UBE2D2: variants seen among roughly 807,000 people sequenced by gnomAD.
The protein encoded by UBE2D2 is ubiquitin-conjugating enzyme E2 D2.
A neutral mutation model predicts 24.2 loss-of-function variants in UBE2D2; 2 were observed. The ratio of observed to expected loss-of-function variants is 0.08; its 90% CI spans 0.03 to 0.26. The LOEUF (loss-of-function observed/expected upper bound fraction) is 0.26. Among genes scored for constraint, UBE2D2 ranks in the 10% least tolerant of loss-of-function variants. The pLI is 1.00. For missense variants in UBE2D2, 44 were observed against 177.6 expected (o/e 0.25, Z 4.28); for synonymous variants, 58 against 56.5 (o/e 1.03, Z -0.12).
In UBE2D2 at chr5:139,590,761, T is replaced by TG. The variant is rs368163124; in HGVS notation, c.25-9609dup. ...TGGGCCAAGCTGGGTTGTAAGTTCA[T>TG]GGTGGGTATTTTCTCTTCTTCTTTT... On this transcript the variant is annotated intron_variant, in intron 1 of 6. Transcript: ENST00000398733. Among the ~76,000 whole-genome samples the TG allele has an allele frequency of 7.3e-3, 1,074 of 147,296 alleles. 9 individuals carry two copies. The highest frequency in any genetic ancestry group is 0.036 in the Middle Eastern group (10 of 278).
chr5:139,622,276 G>T (rs1412676806), intron 5 of UBE2D2, among the ~76,000 whole-genome samples: 3 of 151,134 alleles, frequency 2.0e-5, no homozygotes, highest in African/African-American at 7.3e-5. Context: ...TGGATTTTTT[G>T]CTGTGTCGCC....
chr5:139,599,174 A>T (rs1754018812), intron 1 of UBE2D2, among the ~76,000 whole-genome samples: 1 of 151,412 alleles, frequency 6.6e-6, no homozygotes, highest in South Asian at 2.1e-4. Context: ...ACGTCAGGTG[A>T]TCCTCCCACC....
At chr5:139,587,334 C>T (rs1275499496) in intron 1 of UBE2D2, among the ~76,000 whole-genome samples, 1 of 152,048 alleles carries the variant, frequency 6.6e-6, no homozygotes, top group Non-Finnish European at 1.5e-5. Flanking sequence ...AGCGGCTCTG[C>T]GACAGCAGCA....
At chr5:139,610,260 C>T (rs1448784588) in intron 2 of UBE2D2, among the ~76,000 whole-genome samples, 5 of 152,012 alleles carry the variant, frequency 3.3e-5, no homozygotes, top group African/African-American at 1.2e-4. Flanking sequence ...TAAAAATTTA[C>T]GGCCGGGCAC....
chr5:139,590,202 G>A (rs1753813475), intron 1 of UBE2D2, among the ~76,000 whole-genome samples: 1 of 152,072 alleles, frequency 6.6e-6, no homozygotes, highest in Non-Finnish European at 1.5e-5. Context: ...TAGACATAGA[G>A]TAGCAGAATA....
upstream of UBE2D2, among the ~76,000 whole-genome samples, chr5:139,557,519 G>A (rs1752998970): frequency 1.3e-5 from 2 of 152,040 alleles, no homozygotes; most frequent in Admixed American, 6.6e-5. Context: ...AGGCCGAGGC[G>A]GGCAGATCAT....
intron 5 of UBE2D2, among the ~76,000 whole-genome samples, chr5:139,620,214 C>T (rs1407824721): frequency 6.6e-6 from 1 of 152,118 alleles, no homozygotes; most frequent in East Asian, 1.9e-4. Flanking sequence ...CAGATCCAAA[C>T]CATATCAGTA....
intron 5 of UBE2D2, 113 bp from the exon 6 acceptor site, chr5:139,623,255 T>C: frequency 2.0e-6 from 1 of 511,814 alleles, no homozygotes; most frequent in East Asian, 3.0e-5. Context: ...CTTACAAAGC[T>C]GCTAGGCATT....
chr5:139,574,346 T>C (rs1036652859), intron 1 of UBE2D2, among the ~76,000 whole-genome samples: 3 of 151,940 alleles, frequency 2.0e-5, no homozygotes, highest in African/African-American at 7.3e-5. Context: ...TAATACATAT[T>C]AGTAATTAGT....
intron 1 of UBE2D2, among the ~76,000 whole-genome samples, chr5:139,565,027 A>G (rs1753189085): frequency 1.3e-5 from 2 of 152,178 alleles, no homozygotes; most frequent in African/African-American, 4.8e-5. Context: ...ATGTGTCTGC[A>G]GTGGAATCCC....
chr5:139,614,478 C>A, intron 2 of UBE2D2, 108 bp from the exon 3 acceptor site: 2 of 1,282,768 alleles, frequency 1.6e-6, no homozygotes, highest in South Asian at 1.3e-5. Context: ...TACTCATTAT[C>A]ATATTATTTA....
intron 5 of UBE2D2, 117 bp from the exon 6 acceptor site, chr5:139,623,251 A>G (rs1658426728): frequency 6.2e-6 from 3 of 486,142 alleles, no homozygotes; most frequent in Non-Finnish European, 1.1e-5. Context: ...AAAACTTACA[A>G]AGCTGCTAGG....
chr5:139,588,780 T>C (rs1164013277), intron 1 of UBE2D2, among the ~76,000 whole-genome samples: 5 of 152,100 alleles, frequency 3.3e-5, no homozygotes, highest in Non-Finnish European at 7.3e-5. Flanking sequence ...GTAACTTCTT[T>C]TGTTTTTTGA....
intron 1 of UBE2D2, among the ~76,000 whole-genome samples, chr5:139,533,523 G>A (rs1314690234): frequency 5.3e-5 from 8 of 151,594 alleles, no homozygotes; most frequent in Non-Finnish European, 8.8e-5. Context: ...GGTGTCTGGC[G>A]CCGTTAATCC....
intron 1 of UBE2D2, among the ~76,000 whole-genome samples, chr5:139,563,801 G>T (rs1753160333): frequency 1.3e-5 from 2 of 152,102 alleles, no homozygotes. Flanking sequence ...CGGGCTTGGT[G>T]GCGGGTTCCT....
intron 1 of UBE2D2, among the ~76,000 whole-genome samples, chr5:139,580,401 G>T (rs758261726): frequency 5.3e-5 from 8 of 152,064 alleles, no homozygotes; most frequent in Non-Finnish European, 1.0e-4. Flanking sequence ...AGAGTGGATG[G>T]CTTGAGTCCA....
intron 1 of UBE2D2, among the ~76,000 whole-genome samples, chr5:139,587,785 A>G (rs1713745996): frequency 2.6e-5 from 4 of 151,950 alleles, no homozygotes; most frequent in Admixed American, 2.0e-4. Flanking sequence ...CAAAGAGGGT[A>G]GCCATTGCCA....
In UBE2D2 at chr5:139,597,211, A is replaced by G. The variant is rs114021915; in HGVS notation, c.25-3161A>G. Among the ~76,000 whole-genome samples the G allele has an allele frequency of 3.5e-3, 539 of 152,238 alleles. 7 individuals carry two copies. Among genetic ancestry groups the G allele is most frequent in the African/African-American group, 0.012 (499 of 41,544 alleles). ...CTCAAATTTTCTTCATGTCTCTTTT[A>G]TAGTTATTCCCCCCTCCAACTCCCT... On this transcript the variant is annotated intron_variant, in intron 1 of 6. Transcript: ENST00000398733.
chr5:139,625,880 C>T (rs554410597), intron 6 of UBE2D2, among the ~76,000 whole-genome samples: 2 of 152,288 alleles, frequency 1.3e-5, no homozygotes, highest in South Asian at 4.1e-4. Context: ...GCTGGGATTA[C>T]AGGCGTGAGC....
Sources: allele counts gnomAD v4.1 joint callset (sites outside exome capture counted in the v4.1 genomes callset), GRCh38; gene constraint gnomAD v4.1.1; transcripts MANE v1.5; gene names NCBI Gene and HGNC (gene_info 2026-07-23, HGNC 2026-07-21).